The following PDE10A variants were observed in gnomAD, a reference collection of about 807,000 sequenced individuals.
PDE10A encodes phosphodiesterase 10A, also known as cAMP and cAMP-inhibited cGMP 3',5'-cyclic phosphodiesterase 10A.
Under a neutral mutation model 97.7 loss-of-function variants are expected in PDE10A, and 39 were observed. The observed-to-expected ratio is 0.40, with a 90% CI of 0.31 to 0.52. The LOEUF (loss-of-function observed/expected upper bound fraction) is 0.52. PDE10A is among the 20% of genes least tolerant of loss of function. The pLI is 0.56. For missense variants in PDE10A, 731 were observed against 1,047.8 expected (o/e 0.70, Z 4.17); for synonymous variants, 371 against 376.8 (o/e 0.98, Z 0.18).
Position 165,396,523 on chromosome 6 carries a change from G to A in PDE10A, c.2077-64C>T, listed in dbSNP as rs1266906560. 1.5e-4 allele frequency: 219 copies of A among 1,484,944 alleles called. No individual in the cohort carries two copies. In the South Asian group the frequency reaches 2.2e-3, roughly 15 times the overall value. 92.0% of individuals were successfully genotyped at this position (1,484,944 alleles called of 1,614,324 possible). On this transcript the variant is annotated intron_variant, in intron 13 of 21. Transcript: ENST00000539869. ...AAGAATATTTAAACTGTTTTGTCAC[G>A]GAAGTTCAGAATTTGGTATTAAAGA...
intron 1 of PDE10A, among the ~76,000 whole-genome samples, chr6:165,898,452 G>A (rs1482289601): frequency 2.0e-5 from 3 of 152,052 alleles, no homozygotes; most frequent in Non-Finnish European, 4.4e-5. Flanking sequence ...GGCCACTCCA[G>A]GGCACAGAGC....
At chr6:165,535,411 T>C (rs150931746) in intron 2 of PDE10A, among the ~76,000 whole-genome samples, 23 of 151,994 alleles carry the variant, frequency 1.5e-4, no homozygotes, top group Admixed American at 3.3e-4. Context: ...AGATCTATTA[T>C]TCCACTCTCT....
intron 1 of PDE10A, among the ~76,000 whole-genome samples, chr6:165,747,052 A>T (rs1024462975): frequency 1.3e-5 from 2 of 152,154 alleles, no homozygotes; most frequent in African/African-American, 4.8e-5. Flanking sequence ...TTTTTTTCTG[A>T]TGAGACTATG....
chr6:165,946,819 C>T (rs557680635), intron 1 of PDE10A: 1 of 152,166 alleles, frequency 6.6e-6, no homozygotes, highest in East Asian at 1.9e-4. Context: ...GTGCAGGAAA[C>T]ACATTATTGA....
intron 1 of PDE10A, among the ~76,000 whole-genome samples, chr6:165,753,337 T>C (rs1473318445): frequency 6.6e-6 from 1 of 152,284 alleles, no homozygotes; most frequent in Non-Finnish European, 1.5e-5. Flanking sequence ...ATGATCCCCG[T>C]ATGTACGTGG....
At chr6:165,700,366 T>A (rs895120908) in intron 1 of PDE10A, among the ~76,000 whole-genome samples, 2 of 152,176 alleles carry the variant, frequency 1.3e-5, no homozygotes, top group Non-Finnish European at 2.9e-5. Context: ...TTCAAAGTAA[T>A]GAAACAGTTC....
chr6:165,586,116 C>G (rs1391361433), intron 1 of PDE10A, among the ~76,000 whole-genome samples: 1 of 152,178 alleles, frequency 6.6e-6, no homozygotes, highest in African/African-American at 2.4e-5. Context: ...CTCCCTGCCC[C>G]CCTTTTGCTT....
intron 11 of PDE10A, among the ~76,000 whole-genome samples, chr6:165,417,937 G>T (rs1788437277): frequency 1.3e-5 from 2 of 152,190 alleles, no homozygotes; most frequent in Admixed American, 6.5e-5. Context: ...TACAGCAAAA[G>T]AAATGCAAAT....
chr6:165,511,003 G>A (rs574669245), intron 2 of PDE10A, among the ~76,000 whole-genome samples: 15 of 151,212 alleles, frequency 9.9e-5, no homozygotes, highest in Non-Finnish European at 1.9e-4. Flanking sequence ...GTTATTTTTA[G>A]TCTTATAATT....
intron 1 of PDE10A, among the ~76,000 whole-genome samples, chr6:165,726,943 A>G (rs918291215): frequency 2.0e-5 from 3 of 152,194 alleles, no homozygotes; most frequent in Non-Finnish European, 4.4e-5. Context: ...AGAAAACAGC[A>G]TAAAGGAAGA....
At position 165,466,456 on chromosome 6, in the gene PDE10A, C is replaced by T. The variant is rs139832970; in HGVS notation, c.1023+15859G>A. ...ATTTCTGAATGTCAGCACAGGCATACGTCATTTTGATTGTGCTTTGCTTTA... is the reference window on the plus strand; with the variant it reads ...ATTTCTGAATGTCAGCACAGGCATATGTCATTTTGATTGTGCTTTGCTTTA... On this transcript the variant is annotated intron_variant, in intron 3 of 21. Transcript: ENST00000539869. 2.0e-4 allele frequency among the ~76,000 whole-genome samples: 30 copies of T among 152,294 alleles called. No homozygotes were observed. In the East Asian group the frequency reaches 4.6e-3, roughly 23 times the overall value.
At chr6:165,361,646 G>T (rs760929006) in intron 18 of PDE10A, among the ~76,000 whole-genome samples, 5 of 152,252 alleles carry the variant, frequency 3.3e-5, no homozygotes, top group Non-Finnish European at 7.4e-5. Flanking sequence ...AGACACCAGG[G>T]GAATACAGAG....
intron 1 of PDE10A, among the ~76,000 whole-genome samples, chr6:165,782,592 C>T (rs1230575128): frequency 6.6e-6 from 1 of 152,188 alleles, no homozygotes; most frequent in Non-Finnish European, 1.5e-5. Flanking sequence ...TCCAACCCTC[C>T]CCTGACATTT....
rs7770912 is a variant in PDE10A, at chr6:165,881,828, T to G, written c.-615+105701A>C. Among the ~76,000 whole-genome samples the G allele has an allele frequency of 2.1e-3, 327 of 152,294 alleles. 2 individuals are homozygous for G. The highest frequency in any genetic ancestry group is 7.6e-3 in the African/African-American group (314 of 41,572). On this transcript the variant is annotated intron_variant, in intron 1 of 19. Transcript: ENST00000366882. Reference sequence around the variant, plus strand: ...TTTCTTCTCACTCCGACAATTCAACTGCCCCCTCCATCATACATATATATT... The same window carrying G: ...TTTCTTCTCACTCCGACAATTCAACGGCCCCCTCCATCATACATATATATT...
intron 1 of PDE10A, among the ~76,000 whole-genome samples, chr6:165,740,051 G>T (rs1417716566): frequency 6.6e-6 from 1 of 152,152 alleles, no homozygotes; most frequent in Non-Finnish European, 1.5e-5. Flanking sequence ...CAATATGGAA[G>T]TTACTCAAAG....
intron 1 of PDE10A, among the ~76,000 whole-genome samples, chr6:165,743,364 T>G (rs928202486): frequency 1.3e-5 from 2 of 152,222 alleles, no homozygotes; most frequent in African/African-American, 4.8e-5. Context: ...ATTCAGAAAT[T>G]AACATTTGCA....
intron 2 of PDE10A, among the ~76,000 whole-genome samples, chr6:165,496,792 G>A (rs529887241): frequency 6.6e-6 from 1 of 152,180 alleles, no homozygotes; most frequent in Non-Finnish European, 1.5e-5. Context: ...GTGCTAAAAT[G>A]CTAGAAATCG....
At chr6:165,738,903 T>G (rs1440641478) in intron 1 of PDE10A, among the ~76,000 whole-genome samples, 1 of 152,242 alleles carries the variant, frequency 6.6e-6, no homozygotes, top group African/African-American at 2.4e-5. Flanking sequence ...CATTTACAAT[T>G]GCATAAAAAT....
chr6:165,642,721 A>T (rs999642378), intron 1 of PDE10A, among the ~76,000 whole-genome samples: 25 of 152,192 alleles, frequency 1.6e-4, no homozygotes, highest in Admixed American at 1.2e-3. Context: ...CAGGTGGGTG[A>T]ACGCTACACA....
Sources: allele counts gnomAD v4.1 joint callset (sites outside exome capture counted in the v4.1 genomes callset), GRCh38; gene constraint gnomAD v4.1.1; transcripts MANE v1.5; gene names NCBI Gene and HGNC (gene_info 2026-07-23, HGNC 2026-07-21).